GRID2: variants seen among roughly 807,000 people sequenced by gnomAD.
GRID2 encodes glutamate receptor ionotropic, delta-2.
GRID2 carries 33 observed loss-of-function variants against 114.8 expected under a neutral mutation model. The observed-to-expected ratio is 0.29, with a 90% CI of 0.22 to 0.38. The LOEUF (loss-of-function observed/expected upper bound fraction) is 0.38, where lower values mean the gene tolerates loss of function less well. GRID2 is among the 10% of genes least tolerant of loss of function. GRID2 has a pLI of 1.00. For synonymous variants in GRID2, 505 were observed against 449.9 expected (o/e 1.12, Z -1.55); for missense variants, 1,184 against 1,257.7 (o/e 0.94, Z 0.89).
chr4:93,445,093 C>G (rs1226269326), intron 10 of GRID2, among the ~76,000 whole-genome samples: 1 of 151,896 alleles, frequency 6.6e-6, no homozygotes, highest in Non-Finnish European at 1.5e-5. Context: ...CATGTGATGC[C>G]TCTGAGAAAT....
chr4:93,648,779 A>T (rs1305433234), intron 14 of GRID2, among the ~76,000 whole-genome samples: 1 of 152,104 alleles, frequency 6.6e-6, no homozygotes, highest in East Asian at 1.9e-4. Context: ...CTTGTAATAC[A>T]TGGTCTTTGA....
intron 9 of GRID2, among the ~76,000 whole-genome samples, chr4:93,400,707 C>T (rs1188592329): frequency 6.6e-6 from 1 of 152,072 alleles, no homozygotes; most frequent in Non-Finnish European, 1.5e-5. Context: ...TTGGGAGGAG[C>T]TCACTGATTA....
At chr4:92,696,860 G>C (rs1353609256) in intron 2 of GRID2, among the ~76,000 whole-genome samples, 1 of 151,918 alleles carries the variant, frequency 6.6e-6, no homozygotes, top group Non-Finnish European at 1.5e-5. Context: ...CTTGCAGCAG[G>C]GTACAACAAT....
chr4:93,587,825 G>A (rs957253093), intron 13 of GRID2, among the ~76,000 whole-genome samples: 35 of 152,018 alleles, frequency 2.3e-4, no homozygotes, highest in Non-Finnish European at 4.1e-4. Context: ...TCAAAGAAAA[G>A]CTTCCAAAGG....
intron 1 of GRID2, among the ~76,000 whole-genome samples, chr4:92,347,586 G>A (rs1051641268): frequency 6.6e-6 from 1 of 151,260 alleles, no homozygotes; most frequent in African/African-American, 2.4e-5. Flanking sequence ...TTTGGGTAGA[G>A]GATTCTATTA....
chr4:93,707,606 G>A (rs1728120016), intron 14 of GRID2, among the ~76,000 whole-genome samples: 1 of 151,054 alleles, frequency 6.6e-6, no homozygotes, highest in South Asian at 2.1e-4. Flanking sequence ...AGTTTGTCTG[G>A]CTAAAAGTTT....
intron 1 of GRID2, among the ~76,000 whole-genome samples, chr4:92,377,606 C>T (rs367564501): frequency 1.5e-4 from 23 of 152,064 alleles, no homozygotes; most frequent in Non-Finnish European, 2.4e-4. Flanking sequence ...TCTGTTTTCA[C>T]GCTGCTGATA....
rs1412923989 is a variant in GRID2 at position 93,592,758 on chromosome 4, A to G, written c.2194-33511A>G. The stretch of plus-strand genomic sequence containing the variant: ...GGGTGCTCATGTATTGGGTGCATAC[A>G]TATTTAGGACAGTTAGCTCTTCTTG... On this transcript the variant is annotated intron_variant, in intron 13 of 15. Transcript: ENST00000282020. 3.9e-5 allele frequency among the ~76,000 whole-genome samples: 6 copies of G among 152,200 alleles called. No homozygotes were observed. In the East Asian group the frequency reaches 1.2e-3, roughly 29 times the overall value.
At chr4:92,990,357 C>T (rs1281070787) in intron 2 of GRID2, among the ~76,000 whole-genome samples, 1 of 150,464 alleles carries the variant, frequency 6.6e-6, no homozygotes. Flanking sequence ...GAGTCTTGAT[C>T]TGTCACCCAG....
intron 1 of GRID2, among the ~76,000 whole-genome samples, chr4:92,468,126 A>G (rs1187901557): frequency 6.6e-6 from 1 of 152,038 alleles, no homozygotes; most frequent in African/African-American, 2.4e-5. Flanking sequence ...ATTATATTCA[A>G]TTATCTTACC....
rs770966896 is a variant in GRID2, at chr4:93,422,912, G to A, written c.1489G>A (p.Gly497Arg). ...EIYVAPDHKYGSPQEDGTWNG... is the reference protein window; with the variant it reads ...EIYVAPDHKYRSPQEDGTWNG... ...TTACGTAGCACCGGATCACAAATAC[G>A]GAAGCCCACAAGAAGATGGGACATG... The change falls in exon 10 of 16, where the codon GGA (glycine) becomes AGA (arginine). Residue 497 changes from glycine (G) to arginine (R), a missense_variant. Coordinates refer to ENST00000282020, the MANE Select transcript of GRID2 (RefSeq NM_001510.4). 1.2e-6 allele frequency: 2 copies of A among 1,613,758 alleles called. No individual in the cohort carries two copies. The highest frequency in any genetic ancestry group is 1.7e-6 in the Non-Finnish European group (2 of 1,179,734).
At chr4:92,584,779 A>G (rs954887128) in intron 1 of GRID2, among the ~76,000 whole-genome samples, 3 of 152,040 alleles carry the variant, frequency 2.0e-5, no homozygotes, top group Non-Finnish European at 4.4e-5. Context: ...AAAATGCTTA[A>G]AGTGAAAAAA....
At chr4:93,606,544 A>AT (rs1740258684) in intron 13 of GRID2, among the ~76,000 whole-genome samples, 1 of 152,116 alleles carries the variant, frequency 6.6e-6, no homozygotes, top group African/African-American at 2.4e-5. Flanking sequence ...TCTCCCTAGT[A>AT]TTTTTTCAGA....
chr4:93,210,822 G>C (rs889261599), intron 5 of GRID2, among the ~76,000 whole-genome samples: 4 of 151,966 alleles, frequency 2.6e-5, no homozygotes, highest in African/African-American at 9.6e-5. Flanking sequence ...TATGTCACTA[G>C]CTTTTTTGTA....
At chr4:92,533,433 C>G (rs1290977930) in intron 1 of GRID2, among the ~76,000 whole-genome samples, 1 of 146,074 alleles carries the variant, frequency 6.8e-6, no homozygotes, top group Non-Finnish European at 1.5e-5. Context: ...TCTTAATGCT[C>G]AAAGTACTAG....
chr4:93,276,345 A>G (rs1391465911), intron 8 of GRID2, among the ~76,000 whole-genome samples: 1 of 152,008 alleles, frequency 6.6e-6, no homozygotes, highest in Non-Finnish European at 1.5e-5. Context: ...CTATCTTGAT[A>G]CCTGCAACTT....
At chr4:93,104,486 T>C (rs989837415) in intron 3 of GRID2, among the ~76,000 whole-genome samples, 15 of 142,384 alleles carry the variant, frequency 1.1e-4, no homozygotes, top group Admixed American at 7.9e-4. Flanking sequence ...GTCCCCAGAG[T>C]GTGATATTTC....
At chr4:93,164,944 G>A (rs990571813) in intron 4 of GRID2, 35 of 216,766 alleles carry the variant, frequency 1.6e-4, no homozygotes, top group African/African-American at 7.4e-4. Flanking sequence ...TAAGAGTTCA[G>A]AGTATGAGCA....
At chr4:92,721,206 A>T (rs993008244) in intron 2 of GRID2, among the ~76,000 whole-genome samples, 4 of 152,114 alleles carry the variant, frequency 2.6e-5, no homozygotes, top group Admixed American at 1.3e-4. Context: ...GTTTGGAAAG[A>T]TGAAGGAATA....
Sources: allele counts gnomAD v4.1 joint callset (sites outside exome capture counted in the v4.1 genomes callset), GRCh38; gene constraint gnomAD v4.1.1; transcripts MANE v1.5; gene names NCBI Gene and HGNC (gene_info 2026-07-23, HGNC 2026-07-21).